Variants in RPGRIP1L observed in about 807,000 individuals in gnomAD.
The protein encoded by RPGRIP1L is RPGRIP1 like.
In RPGRIP1L, 131 loss-of-function variants were observed where a neutral mutation model predicts 160.4. The ratio of observed to expected loss-of-function variants is 0.82; its 90% CI spans 0.71 to 0.94. The LOEUF is 0.94. Ranked by LOEUF, RPGRIP1L falls within the 40% of genes least tolerant of loss-of-function variation. The pLI is 0.00. For missense variants in RPGRIP1L, 1,522 were observed against 1,535.8 expected (o/e 0.99, Z 0.15); for synonymous variants, 510 against 515.8 (o/e 0.99, Z 0.15).
intron 14 of RPGRIP1L, among the ~76,000 whole-genome samples, chr16:53,654,348 T>C (rs974169001): frequency 2.6e-5 from 4 of 152,206 alleles, no homozygotes; most frequent in Admixed American, 2.0e-4. Flanking sequence ...GTTGGATGGA[T>C]CTACAGTGCA....
intron 6 of RPGRIP1L, among the ~76,000 whole-genome samples, chr16:53,676,525 G>T (rs1241737941): frequency 2.0e-5 from 3 of 152,028 alleles, no homozygotes; most frequent in Non-Finnish European, 4.4e-5. Flanking sequence ...AGCAGTGAAT[G>T]ACATTTATTG....
intron 22 of RPGRIP1L, among the ~76,000 whole-genome samples, chr16:53,626,617 C>G (rs113297371): frequency 0.051 from 7,828 of 152,058 alleles, 411 homozygotes; most frequent in East Asian, 0.31. Flanking sequence ...CCAGCCTGGC[C>G]AACATGGTGA....
intron 23 of RPGRIP1L, among the ~76,000 whole-genome samples, chr16:53,620,068 T>C (rs1033068787): frequency 6.6e-6 from 1 of 152,138 alleles, no homozygotes; most frequent in Non-Finnish European, 1.5e-5. Context: ...TTTTACTAAA[T>C]TCAGAGACAT....
chr16:53,641,648 A>T (rs1966232015), intron 17 of RPGRIP1L, among the ~76,000 whole-genome samples, 173 bp from the exon 18 acceptor site: 1 of 152,220 alleles, frequency 6.6e-6, no homozygotes, highest in Non-Finnish European at 1.5e-5. Context: ...CAGAATTCAG[A>T]TGGCTTAGAG....
At position 53,619,193 on chromosome 16, in the gene RPGRIP1L, G is replaced by T. The variant is rs750930363; in HGVS notation, c.3448C>A (p.Arg1150=). Residue 1150 remains arginine (R), a synonymous_variant, in exon 24 of 27, where the codon CGG becomes AGG. Coordinates refer to ENST00000647211, the MANE Select transcript of RPGRIP1L (RefSeq NM_015272.5). The part of the protein sequence containing the change: ...CHHTQPSEKI[R]IEIIALSLND... ...AGGCTTAGAGCTATGATCTCAATCC[G>T]AATTTTTTCTGATGGCTGTTTAAAG... is the stretch of plus-strand genomic sequence containing the variant. 4 of 1,613,190 alleles carry T rather than the reference G, an allele frequency of 2.5e-6. No homozygotes were observed. The highest frequency in any genetic ancestry group is 3.4e-6 in the Non-Finnish European group (4 of 1,179,938).
rs201406461 is a variant in RPGRIP1L, at chr16:53,700,601, C to A, written c.85+38G>T. The stretch of plus-strand genomic sequence containing the variant: ...CTTTAAATTAAAAGTAGTCAGTGAT[C>A]AAAGTTCATAACTGTAATAAATAAC... On this transcript the variant is annotated intron_variant, in intron 2 of 26. Coordinates refer to ENST00000647211, the MANE Select transcript of RPGRIP1L (RefSeq NM_015272.5). 430 of 1,493,108 alleles carry A rather than the reference C, an allele frequency of 2.9e-4. 1 individual carries two copies. The highest frequency in any genetic ancestry group is 2.6e-3 in the East Asian group (117 of 44,320). The allele number at this position is 1,493,108 out of a possible 1,614,324, so 92.5% of individuals were successfully genotyped here. A position where few individuals can be genotyped will look rare whatever the true frequency, so the allele number is the denominator to read the frequency against.
At chr16:53,677,846 A>G (rs1168216460) in intron 6 of RPGRIP1L, among the ~76,000 whole-genome samples, 2 of 152,246 alleles carry the variant, frequency 1.3e-5, no homozygotes, top group Middle Eastern at 3.4e-3. Context: ...CCTCCACACA[A>G]TATTTTTTTG....
intron 8 of RPGRIP1L, among the ~76,000 whole-genome samples, chr16:53,671,876 C>T (rs901698939): frequency 6.6e-6 from 1 of 152,096 alleles, no homozygotes; most frequent in East Asian, 1.9e-4. Flanking sequence ...TAAGAGCTTG[C>T]TAAGTCCCGG....
chr16:53,657,347 T>C, intron 13 of RPGRIP1L, 106 bp downstream of exon 13: 1 of 745,876 alleles, frequency 1.3e-6, no homozygotes, highest in Non-Finnish European at 2.3e-6. Context: ...GTTAGTAGAT[T>C]ACAATAGATG....
At chr16:53,685,569 C>G (rs1186841866) in intron 6 of RPGRIP1L, among the ~76,000 whole-genome samples, 1 of 152,114 alleles carries the variant, frequency 6.6e-6, no homozygotes, top group East Asian at 1.9e-4. Context: ...ATGGATGGAG[C>G]CAGAGGCCAC....
intron 10 of RPGRIP1L, 117 bp from the exon 11 acceptor site, chr16:53,658,995 G>GA (rs1401850553): frequency 2.6e-6 from 2 of 780,526 alleles, no homozygotes; most frequent in East Asian, 2.7e-5. Flanking sequence ...GTTCTGGTCA[G>GA]AAAGGAAACT....
chr16:53,617,737 T>C (rs1039736434), intron 24 of RPGRIP1L, among the ~76,000 whole-genome samples: 2 of 152,190 alleles, frequency 1.3e-5, no homozygotes, highest in Non-Finnish European at 2.9e-5. Flanking sequence ...GCCAGATCTC[T>C]GGATACTTAA....
chr16:53,692,529 T>C (rs1288228884), intron 3 of RPGRIP1L, among the ~76,000 whole-genome samples, 165 bp from the exon 4 acceptor site: 1 of 152,218 alleles, frequency 6.6e-6, no homozygotes, highest in African/African-American at 2.4e-5. Flanking sequence ...TTGATGATAA[T>C]TGAAACCACT....
intron 10 of RPGRIP1L, among the ~76,000 whole-genome samples, chr16:53,660,203 ATCC>A: frequency 6.6e-6 from 1 of 152,306 alleles, no homozygotes; most frequent in South Asian, 2.1e-4. Context: ...ACACTCAGGT[ATCC>A]TCCTTTGTTG....
intron 6 of RPGRIP1L, among the ~76,000 whole-genome samples, chr16:53,675,745 C>A (rs969762151): frequency 9.2e-5 from 14 of 152,050 alleles, no homozygotes; most frequent in African/African-American, 3.4e-4. Context: ...CACTTGATGT[C>A]CACAGGGTAT....
intron 3 of RPGRIP1L, 54 bp from the exon 4 acceptor site, chr16:53,692,418 A>G: frequency 6.6e-7 from 1 of 1,520,668 alleles, no homozygotes; most frequent in South Asian, 1.1e-5. Context: ...CATAAAATCC[A>G]TTCTGTTGAA....
At chr16:53,653,530 A>G (rs1379703981) in intron 14 of RPGRIP1L, 1 of 164,186 alleles carries the variant, frequency 6.1e-6, no homozygotes, top group East Asian at 1.9e-4. Flanking sequence ...TGCTCCAGAA[A>G]AAGCCAACAA....
intron 16 of RPGRIP1L, among the ~76,000 whole-genome samples, chr16:53,648,611 C>CGCGT (rs1966723891): frequency 1.1e-5 from 1 of 89,830 alleles, no homozygotes; most frequent in Admixed American, 1.1e-4. Flanking sequence ...TACGTACGCG[C>CGCGT]GTGCGCGCGC....
intron 25 of RPGRIP1L, among the ~76,000 whole-genome samples, chr16:53,609,481 T>G (rs1055515491): frequency 1.4e-5 from 2 of 143,432 alleles, no homozygotes; most frequent in Non-Finnish European, 3.0e-5. Flanking sequence ...AGAACTTGAT[T>G]TTAAATTTTT....
Sources: allele counts gnomAD v4.1 joint callset (sites outside exome capture counted in the v4.1 genomes callset), GRCh38; gene constraint gnomAD v4.1.1; transcripts MANE v1.5; gene names NCBI Gene and HGNC (gene_info 2026-07-23, HGNC 2026-07-21).